MEGF6: variants seen among roughly 807,000 people sequenced by gnomAD.
MEGF6 encodes the protein multiple EGF like domains 6.
In MEGF6, 184 loss-of-function variants were observed where a neutral mutation model predicts 207.1. The ratio of observed to expected loss-of-function variants is 0.89; its 90% CI spans 0.79 to 1.00. The LOEUF (loss-of-function observed/expected upper bound fraction) is 1.00. MEGF6 is among the 50% of genes least tolerant of loss of function. The probability of loss-of-function intolerance (pLI) is 0.00; values close to 1 mark genes in which losing one functional copy is unlikely to be tolerated. For missense variants in MEGF6, 2,282 were observed against 2,202.9 expected (o/e 1.04, Z -0.72); for synonymous variants, 1,038 against 910.0 (o/e 1.14, Z -2.53).
At position 3,600,673 on chromosome 1, in the gene MEGF6, G is replaced by GT. The variant is rs1570237837; in HGVS notation, c.266+1792_266+1793insA. Among the ~76,000 whole-genome samples the GT allele has an allele frequency of 7.9e-5, 12 of 152,312 alleles. No individual in the cohort carries two copies. The East Asian group carries it at 1.7e-3, about 22-fold the overall frequency. On this transcript the variant is annotated intron_variant, in intron 2 of 36. Coordinates refer to ENST00000356575, the MANE Select transcript of MEGF6 (RefSeq NM_001409.4). ...GGATTCAGCCTCCAGCAGCTTGGGA[G>GT]GGGACACAAATTGGAAACGTGGGAT...
intron 4 of MEGF6, among the ~76,000 whole-genome samples, chr1:3,535,293 C>A (rs1642292461): frequency 6.6e-6 from 1 of 152,288 alleles, no homozygotes; most frequent in East Asian, 1.9e-4. Flanking sequence ...TTCCTGACAA[C>A]AAGTTCAGGC....
intron 1 of MEGF6, among the ~76,000 whole-genome samples, chr1:3,606,728 TA>T: frequency 6.6e-6 from 1 of 152,278 alleles, no homozygotes; most frequent in Admixed American, 6.5e-5. Flanking sequence ...GCAACGCACT[TA>T]CCCACGGCGA....
At chr1:3,494,163 TG>T in intron 32 of MEGF6, 39 bp from the exon 33 acceptor site, 1 of 1,524,328 alleles carries the variant, frequency 6.6e-7, no homozygotes. Flanking sequence ...GGGCACACGG[TG>T]GCAGAAATGT....
rs1044796897 is a variant in MEGF6, at chr1:3,489,432, C to T, written c.*1096G>A. Among the ~76,000 whole-genome samples, 8 of 152,196 alleles carry T rather than the reference C, an allele frequency of 5.3e-5. No homozygotes were observed. The highest frequency in any genetic ancestry group is 1.2e-4 in the Non-Finnish European group (8 of 68,016). On this transcript the variant is annotated 3_prime_UTR_variant, in exon 37 of 37. Coordinates refer to ENST00000356575, the MANE Select transcript of MEGF6 (RefSeq NM_001409.4). ...TTGGCCACCCCACTCTGCAGAGGAG[C>T]CCCCAGCCACCACCTCTACCCTCTG... is the stretch of plus-strand genomic sequence containing the variant.
In MEGF6 at chr1:3,516,381, G is replaced by A. The variant is rs141568347; in HGVS notation, c.605-854C>T. ...TGCCTTGTGGTTAGGGAGGGAGTCA[G>A]CCCCGAGCTCAGAGGGAAGCCGCAA... On this transcript the variant is annotated intron_variant, in intron 5 of 36. Transcript: ENST00000356575. 5.3e-3 allele frequency among the ~76,000 whole-genome samples: 800 copies of A among 152,348 alleles called. 4 individuals are homozygous for A. The highest frequency in any genetic ancestry group is 0.016 in the South Asian group (75 of 4,828).
chr1:3,506,286 CATGTGG>C (rs1557729619), intron 14 of MEGF6, 50 bp from the exon 15 acceptor site: 5 of 1,589,862 alleles, frequency 3.1e-6, no homozygotes, highest in Non-Finnish European at 3.4e-6. Flanking sequence ...CAGCCTACCA[CATGTGG>C]TCCCCCCATG....
intron 4 of MEGF6, among the ~76,000 whole-genome samples, chr1:3,525,063 C>T (rs749671064): frequency 8.5e-5 from 13 of 152,306 alleles, no homozygotes; most frequent in Middle Eastern, 3.4e-3. Flanking sequence ...ACCCCGTTTG[C>T]GGTGTTTGTT....
intron 2 of MEGF6, among the ~76,000 whole-genome samples, chr1:3,595,786 GCT>G (rs1178949307): frequency 6.6e-6 from 1 of 152,136 alleles, no homozygotes; most frequent in East Asian, 1.9e-4. Context: ...ACATCTCACC[GCT>G]CACTCGGCTC....
rs575570103 is a variant in MEGF6, at chr1:3,536,194, G to T, written c.482-11948C>A. On this transcript the variant is annotated intron_variant, in intron 4 of 36. Coordinates refer to ENST00000356575, the MANE Select transcript of MEGF6 (RefSeq NM_001409.4). ...CCAACTCAGAGGTCACCTCTGCAAA[G>T]CCTCCCCAGCTGGCCGGCCCACCCT... Among the ~76,000 whole-genome samples the T allele has an allele frequency of 1.1e-3, 164 of 152,246 alleles. 2 individuals carry two copies. The East Asian group carries it at 0.027, about 25-fold the overall frequency.
chr1:3,556,950 T>TG lies in MEGF6; in HGVS notation c.481+22874dup, dbSNP rs1218419325. Among the ~76,000 whole-genome samples the TG allele has an allele frequency of 9.2e-5, 14 of 152,206 alleles. No individual in the cohort carries two copies. The East Asian group carries it at 2.7e-3, about 29-fold the overall frequency. On this transcript the variant is annotated intron_variant, in intron 4 of 36. Transcript: ENST00000356575. This position sits in a 1 kb window ranked among gnomAD's most constrained non-coding sequence, Gnocchi z 4.4. ...CCTAGGAAGCCGATCCCGGCTTATC[T>TG]GGGGGGCCTGGTGGAATCACATGGA...
At chr1:3,575,327 A>C (rs1409742184) in intron 4 of MEGF6, among the ~76,000 whole-genome samples, 1 of 152,086 alleles carries the variant, frequency 6.6e-6, no homozygotes, top group Non-Finnish European at 1.5e-5. Flanking sequence ...ATGGGACCCC[A>C]AAGTCCTCCC....
intron 31 of MEGF6, 34 bp downstream of exon 31, chr1:3,494,579 G>T: frequency 6.4e-7 from 1 of 1,560,066 alleles, no homozygotes; most frequent in East Asian, 2.4e-5. Context: ...CTCCCTGAGG[G>T]GATGCTGGGG....
rs148029433 is a variant in MEGF6 at position 3,489,274 on chromosome 1, G to A, written c.*1254C>T. Reference sequence around the variant, plus strand: ...CACTGGACTCCTCCTCCTCCTGCTGGTGAAATTGTCTGCCCTGGGGCCTCA... The same window carrying A: ...CACTGGACTCCTCCTCCTCCTGCTGATGAAATTGTCTGCCCTGGGGCCTCA... On this transcript the variant is annotated 3_prime_UTR_variant, in exon 37 of 37. Coordinates refer to ENST00000356575, the MANE Select transcript of MEGF6 (RefSeq NM_001409.4). Among the ~76,000 whole-genome samples the A allele has an allele frequency of 1.3e-5, 2 of 152,204 alleles. No homozygotes were observed. The highest frequency in any genetic ancestry group is 2.9e-5 in the Non-Finnish European group (2 of 68,040).
At chr1:3,550,315 C>T (rs533270746) in intron 4 of MEGF6, among the ~76,000 whole-genome samples, 4 of 152,298 alleles carry the variant, frequency 2.6e-5, no homozygotes, top group East Asian at 3.9e-4. Flanking sequence ...ACATGGAGGA[C>T]GACAGCGAGG....
At position 3,489,093 on chromosome 1, in the gene MEGF6, C is replaced by T. The variant is rs1259714530; in HGVS notation, c.*1435G>A. ...TTCAAGGTATGCGTTTTCCACACTC[C>T]GTCTGCACCCCAGTCCGTCTCTCTC... is the stretch of plus-strand genomic sequence containing the variant. On this transcript the variant is annotated 3_prime_UTR_variant, in exon 37 of 37. Coordinates refer to ENST00000356575, the MANE Select transcript of MEGF6 (RefSeq NM_001409.4). 5.9e-5 allele frequency among the ~76,000 whole-genome samples: 9 copies of T among 152,204 alleles called. No homozygotes were observed. Among genetic ancestry groups the T allele is most frequent in the East Asian group, 3.8e-4 (2 of 5,200 alleles).
chr1:3,576,588 C>A (rs1219354408), intron 4 of MEGF6, among the ~76,000 whole-genome samples: 1 of 152,074 alleles, frequency 6.6e-6, no homozygotes, highest in Non-Finnish European at 1.5e-5. Flanking sequence ...GGTGAGAGGT[C>A]TAGGTGGGAG....
intron 4 of MEGF6, among the ~76,000 whole-genome samples, chr1:3,551,716 G>A (rs965346881): frequency 2.6e-5 from 4 of 152,128 alleles, no homozygotes; most frequent in Admixed American, 2.0e-4. Flanking sequence ...CACACTGCAG[G>A]GGAGCCCGAG....
In MEGF6 at chr1:3,504,339, G is replaced by T. The variant is rs143709003; in HGVS notation, c.2188+869C>A. Among the ~76,000 whole-genome samples the T allele has an allele frequency of 5.3e-3, 806 of 152,246 alleles. 10 individuals are homozygous for T. The highest frequency in any genetic ancestry group is 0.019 in the African/African-American group (771 of 41,542). ...GCGGCAGCTCCATTACTCATGCCGA[G>T]GGCGTCTTCCTTCCCCTCATAAGCC... is the stretch of plus-strand genomic sequence containing the variant. On this transcript the variant is annotated intron_variant, in intron 17 of 36. Transcript: ENST00000356575.
chr1:3,507,927 C>A lies in MEGF6; in HGVS notation c.1661-4G>T. ...CCAAAGGTGTCCGGAGGACAAGCTA[C>A]AAAGAATGACAGGGAAGCGTCAGGG... is the stretch of plus-strand genomic sequence containing the variant. On this transcript the variant is annotated splice_region_variant and splice_polypyrimidine_tract_variant and intron_variant, in intron 13 of 36. Transcript: ENST00000356575. 1.2e-6 allele frequency: 2 copies of A among 1,609,366 alleles called. No homozygotes were observed. Among genetic ancestry groups the A allele is most frequent in the Non-Finnish European group, 1.7e-6 (2 of 1,177,134 alleles).
Sources: gnomAD v4.1 joint callset for allele counts (sites outside exome capture counted in the v4.1 genomes callset) on GRCh38, gnomAD v4.1.1 for gene constraint, Gnocchi (gnomAD v3.1) non-coding constraint, MANE v1.5 for transcripts, NCBI Gene and HGNC (gene_info 2026-07-23, HGNC 2026-07-21) for gene names.